Variants in LIMD1 observed in about 807,000 individuals in gnomAD.
LIMD1 encodes the protein LIM domain-containing protein 1.
A neutral mutation model predicts 58.4 loss-of-function variants in LIMD1; 23 were observed. The observed-to-expected ratio is 0.39, with a 90% CI of 0.28 to 0.56. LIMD1 has a LOEUF of 0.56. LIMD1 is among the 20% of genes least tolerant of loss of function. The pLI, the probability that LIMD1 is intolerant of heterozygous loss-of-function variation, is 0.57. For missense variants in LIMD1, 838 were observed against 855.5 expected, an observed-to-expected ratio of 0.98 and a Z score of 0.25; for synonymous variants, 334 against 345.5, an observed-to-expected ratio of 0.97 and a Z score of 0.37.
intron 1 of LIMD1, among the ~76,000 whole-genome samples, chr3:45,613,651 G>GT (rs71095043): frequency 2.4e-3 from 349 of 143,110 alleles, no homozygotes; most frequent in African/African-American, 5.3e-3. Context: ...AAGACTTTGG[G>GT]TTTTTTTTTT....
Position 45,681,110 on chromosome 3 carries a change from A to G in LIMD1, c.*4051A>G, listed in dbSNP as rs184801231. On this transcript the variant is annotated 3_prime_UTR_variant, in exon 8 of 8. Coordinates refer to ENST00000273317, the MANE Select transcript of LIMD1 (RefSeq NM_014240.3). ...GATGTGGGAAATCTTCATATAGTGT[A>G]TGAAAATTTCATTGTACAGGGAAAT... 13 of 152,114 alleles carry G rather than the reference A, an allele frequency of 8.5e-5. No individual in the cohort carries two copies. Among genetic ancestry groups the G allele is most frequent in the African/African-American group, 3.1e-4 (13 of 41,514 alleles). 9.4% of individuals were successfully genotyped at this position (152,114 alleles called of 1,614,324 possible).
At chr3:45,661,197 G>A (rs928617454) in intron 2 of LIMD1, among the ~76,000 whole-genome samples, 1 of 152,012 alleles carries the variant, frequency 6.6e-6, no homozygotes, top group Non-Finnish European at 1.5e-5. Flanking sequence ...TAAAAATAAT[G>A]CATAATTATT....
intron 1 of LIMD1, among the ~76,000 whole-genome samples, chr3:45,634,539 A>G (rs1701767691): frequency 6.6e-6 from 1 of 152,168 alleles, no homozygotes; most frequent in Non-Finnish European, 1.5e-5. Context: ...CATCCTTATA[A>G]TTTGCCTGTT....
chr3:45,612,070 G>GCGCGCTCTCT lies in LIMD1; in HGVS notation c.1408+15784_1408+15785insGCGCTCTCTC, dbSNP rs55860697. ...GCTCTGTCATGGTTTGCAGGTGCGCGCTCTCTCTCTCTCTCTCTCTCTCTC... is the reference window on the plus strand; with the variant it reads ...GCTCTGTCATGGTTTGCAGGTGCGCGCGCGCTCTCTCTCTCTCTCTCTCTCTCTCTCTCTC... On this transcript the variant is annotated intron_variant, in intron 1 of 7. Coordinates refer to ENST00000273317, the MANE Select transcript of LIMD1 (RefSeq NM_014240.3). 7.6e-5 allele frequency among the ~76,000 whole-genome samples: 11 copies of GCGCGCTCTCT among 144,950 alleles called. No individual in the cohort carries two copies. The South Asian group carries it at 2.0e-3, about 26-fold the overall frequency.
intron 4 of LIMD1, among the ~76,000 whole-genome samples, chr3:45,670,887 A>G (rs1004972626): frequency 2.0e-5 from 3 of 152,170 alleles, no homozygotes; most frequent in Non-Finnish European, 4.4e-5. Context: ...GTCTCTCTAT[A>G]TACCCTTTTG....
intron 4 of LIMD1, 145 bp from the exon 5 acceptor site, chr3:45,672,545 C>G (rs1697600255): frequency 7.0e-6 from 6 of 857,516 alleles, no homozygotes; most frequent in African/African-American, 6.7e-5. Context: ...CCCATCACCT[C>G]TTGCTCTTCT....
In LIMD1 at chr3:45,596,099, G is replaced by T. The variant is rs1362760020; in HGVS notation, c.1220G>T (p.Gly407Val). The part of the protein sequence containing the change: ...PELSCKEGPL[G>V]WSSDGSLGSV... Reference sequence around the variant, plus strand: ...TTATCTTGTAAAGAGGGTCCCCTGGGCTGGTCTTCTGATGGTAGCCTGGGA... The same window carrying T: ...TTATCTTGTAAAGAGGGTCCCCTGGTCTGGTCTTCTGATGGTAGCCTGGGA... The change falls in exon 1 of 8, where the codon GGC becomes GTC. Residue 407 changes from glycine (G) to valine (V), a missense_variant. Physicochemically the swap from Gly to Val is moderately radical, Grantham distance 109. Coordinates refer to ENST00000273317, the MANE Select transcript of LIMD1 (RefSeq NM_014240.3). 1 of 1,614,086 alleles carries T rather than the reference G, an allele frequency of 6.2e-7. No homozygotes were observed. The highest frequency in any genetic ancestry group is 8.5e-7 in the Non-Finnish European group (1 of 1,180,038).
At chr3:45,632,070 A>G (rs1271189957) in intron 1 of LIMD1, among the ~76,000 whole-genome samples, 1 of 152,224 alleles carries the variant, frequency 6.6e-6, no homozygotes, top group South Asian at 2.1e-4. Flanking sequence ...CAAAGAGGCC[A>G]CAGCATTTGG....
At position 45,677,073 on chromosome 3, in the gene LIMD1, C is replaced by T. The variant is rs550687341; in HGVS notation, c.*14C>T. On this transcript the variant is annotated 3_prime_UTR_variant, in exon 8 of 8. Coordinates refer to ENST00000273317, the MANE Select transcript of LIMD1 (RefSeq NM_014240.3). Reference sequence around the variant, plus strand: ...CACCACTTCTAGCCAGAGCCACTTGCAGACATCACGGCAGGGGATGAGGAG... The same window carrying T: ...CACCACTTCTAGCCAGAGCCACTTGTAGACATCACGGCAGGGGATGAGGAG... 2.5e-6 allele frequency: 4 copies of T among 1,611,340 alleles called. No homozygotes were observed. The highest frequency in any genetic ancestry group is 3.4e-6 in the Non-Finnish European group (4 of 1,178,884).
In LIMD1 at chr3:45,594,765, C is replaced by A; in HGVS notation, c.-115C>A. 1 of 847,370 alleles carries A rather than the reference C, an allele frequency of 1.2e-6. No homozygotes were observed. Among genetic ancestry groups the A allele is most frequent in the Non-Finnish European group, 1.8e-6 (1 of 560,896 alleles). 52.5% of individuals were successfully genotyped at this position (847,370 alleles called of 1,614,324 possible). ...GAGCCCCGACCCTTCGCCAGCATCT[C>A]CCCGCTGCCCTCAACACACACACAC... On this transcript the variant is annotated 5_prime_UTR_variant, in exon 1 of 8. Coordinates refer to ENST00000273317, the MANE Select transcript of LIMD1 (RefSeq NM_014240.3).
intron 1 of LIMD1, among the ~76,000 whole-genome samples, chr3:45,635,732 CAAAAAAAAAAAAAAAA>C (rs71095045): frequency 9.5e-5 from 7 of 73,808 alleles, no homozygotes; most frequent in African/African-American, 3.3e-4. Flanking sequence ...ATCCCCGTCT[CAAAAAAAAAAAAAAAA>C]AAAAAAAAAA....
rs397989412 is a variant in LIMD1 at position 45,612,099 on chromosome 3, C to CTCTT, written c.1408+15813_1408+15814insCTTT. The stretch of plus-strand genomic sequence containing the variant: ...TCTCTCTCTCTCTCTCTCTCTCTCT[C>CTCTT]TTTAAAGACAAATTCTCACTCTGTA... On this transcript the variant is annotated intron_variant, in intron 1 of 7. Transcript: ENST00000273317. Among the ~76,000 whole-genome samples, 13 of 148,054 alleles carry CTCTT rather than the reference C, an allele frequency of 8.8e-5. No homozygotes were observed. In the South Asian group the frequency reaches 2.8e-3, roughly 31 times the overall value.
At chr3:45,644,953 C>A (rs926431728) in intron 2 of LIMD1, among the ~76,000 whole-genome samples, 1 of 152,198 alleles carries the variant, frequency 6.6e-6, no homozygotes, top group Admixed American at 6.5e-5. Flanking sequence ...GGGCTTTAAT[C>A]CCTGAGTTTC....
chr3:45,669,939 T>C (rs1171458880), intron 4 of LIMD1, among the ~76,000 whole-genome samples: 2 of 152,196 alleles, frequency 1.3e-5, no homozygotes, highest in Non-Finnish European at 2.9e-5. Flanking sequence ...CTAATATTTA[T>C]AAAACATCAG....
intron 2 of LIMD1, among the ~76,000 whole-genome samples, chr3:45,642,115 A>T (rs1701848579): frequency 1.3e-5 from 2 of 152,112 alleles, no homozygotes; most frequent in Admixed American, 6.5e-5. Flanking sequence ...ACGGATATGA[A>T]CATTTCCCCA....
chr3:45,604,342 G>A (rs139963897), intron 1 of LIMD1, among the ~76,000 whole-genome samples: 77 of 152,276 alleles, frequency 5.1e-4, no homozygotes, highest in Middle Eastern at 3.4e-3. Flanking sequence ...CCTCAGCCCC[G>A]TCCCTGCATG....
rs2125644778 is a variant in LIMD1, at chr3:45,594,777, C to CAACACACACACACACACACACACACACA, written c.-102_-75dup. On this transcript the variant is annotated 5_prime_UTR_variant, in exon 1 of 8. Transcript: ENST00000273317. ...TTCGCCAGCATCTCCCCGCTGCCCT[C>CAACACACACACACACACACACACACACA]AACACACACACACACACACACACAC... is the stretch of plus-strand genomic sequence containing the variant. 1 of 766,838 alleles carries CAACACACACACACACACACACACACACA rather than the reference C, an allele frequency of 1.3e-6. No individual in the cohort carries two copies. The highest frequency in any genetic ancestry group is 2.8e-5 in the African/African-American group (1 of 35,808). The allele number at this position is 766,838 out of a possible 1,614,324, so 47.5% of individuals were successfully genotyped here.
rs1244943249 is a variant in LIMD1 at position 45,595,875 on chromosome 3, C to A, written c.996C>A (p.Asp332Glu). The change falls in exon 1 of 8, where the codon GAC becomes GAA. Residue 332 changes from aspartate (D) to glutamate (E), a missense_variant. Physicochemically the swap from Asp to Glu is conservative, Grantham distance 45. This residue lies in a region of LIMD1 where 659 missense variants were observed against 639.8 expected (regional missense o/e 1.03). Transcript: ENST00000273317. ...GTGTGATGTCCAAACCCAATGTGGA[C>A]CCCCAACCCTGGTTCCAGGATGGGC... ...VSGVMSKPNV[D>E]PQPWFQDGPK... The A allele has an allele frequency of 1.9e-6, 3 of 1,614,110 alleles. No individual in the cohort carries two copies. The highest frequency in any genetic ancestry group is 2.5e-6 in the Non-Finnish European group (3 of 1,180,040).
chr3:45,642,264 C>T (rs1451424471), intron 2 of LIMD1, among the ~76,000 whole-genome samples: 4 of 151,894 alleles, frequency 2.6e-5, no homozygotes, highest in African/African-American at 9.7e-5. Context: ...CAGCCTTGAA[C>T]TCCTGGGCTC....
Sources: allele counts gnomAD v4.1 joint callset (sites outside exome capture counted in the v4.1 genomes callset), GRCh38; gene constraint gnomAD v4.1.1; regional missense constraint gnomAD v4.1.1; transcripts MANE v1.5; gene names NCBI Gene and HGNC (gene_info 2026-07-23, HGNC 2026-07-21).